The following TFDP2 variants were observed in gnomAD, a reference collection of about 807,000 sequenced individuals.
TFDP2 encodes transcription factor Dp-2 (E2F dimerization partner 2).
TFDP2 carries 17 observed loss-of-function variants against 59.3 expected under a neutral mutation model. That is an observed-to-expected ratio of 0.29 (90% CI 0.20 to 0.43). The LOEUF (loss-of-function observed/expected upper bound fraction) is 0.43, where lower values mean the gene tolerates loss of function less well. TFDP2 is among the 20% of genes least tolerant of loss of function. The pLI, the probability that TFDP2 is intolerant of heterozygous loss-of-function variation, is 1.00. For missense variants in TFDP2, 391 were observed against 528.8 expected (o/e 0.74, Z 2.56); for synonymous variants, 180 against 194.7 (o/e 0.92, Z 0.63).
chr3:142,148,586 G>A (rs1034997770), intron 1 of TFDP2, among the ~76,000 whole-genome samples: 1 of 152,216 alleles, frequency 6.6e-6, no homozygotes, highest in African/African-American at 2.4e-5. Flanking sequence ...TGGTAAGAGA[G>A]ACTGGGGCGC....
At chr3:141,976,957 A>G (rs1178669160) in intron 7 of TFDP2, among the ~76,000 whole-genome samples, 1 of 151,776 alleles carries the variant, frequency 6.6e-6, no homozygotes, top group African/African-American at 2.4e-5. Context: ...ACTTGGAACT[A>G]TAAGAACTCT....
In TFDP2 at chr3:141,955,479, G is replaced by C. The variant is rs575288751; in HGVS notation, c.1052-2463C>G. On this transcript the variant is annotated intron_variant, in intron 11 of 12. Coordinates refer to ENST00000489671, the MANE Select transcript of TFDP2 (RefSeq NM_001178139.2). ...CCAATGACACAGCAGGACCCAGGCT[G>C]GAGAGCGTGGAGAGAGGAAAGCTGG... Among the ~76,000 whole-genome samples the C allele has an allele frequency of 2.0e-5, 3 of 152,246 alleles. No individual in the cohort carries two copies. In the East Asian group the frequency reaches 5.8e-4, roughly 29 times the overall value.
intron 3 of TFDP2, among the ~76,000 whole-genome samples, chr3:142,054,337 CATGA>C: frequency 6.6e-6 from 1 of 152,136 alleles, no homozygotes; most frequent in East Asian, 1.9e-4. Flanking sequence ...ATTCACACAA[CATGA>C]ATGAATCTTG....
chr3:142,021,871 T>G (rs529642104), intron 3 of TFDP2, among the ~76,000 whole-genome samples: 67 of 152,302 alleles, frequency 4.4e-4, no homozygotes, highest in African/African-American at 1.6e-3. Flanking sequence ...CCTTCAATAA[T>G]TTTTTAAGTG....
intron 7 of TFDP2, among the ~76,000 whole-genome samples, chr3:141,976,072 G>A (rs890621990): frequency 6.6e-6 from 1 of 151,984 alleles, no homozygotes; most frequent in Non-Finnish European, 1.5e-5. Context: ...GTACAGACAG[G>A]GTTTCATCAT....
chr3:142,044,799 A>ACCTC lies in TFDP2; in HGVS notation c.83-39259_83-39256dup, dbSNP rs199620381. On this transcript the variant is annotated intron_variant, in intron 3 of 12. Coordinates refer to ENST00000489671, the MANE Select transcript of TFDP2 (RefSeq NM_001178139.2). The stretch of plus-strand genomic sequence containing the variant: ...AAGTGTATTTGGGATCAAATCTGAG[A>ACCTC]CCTCCTTCTTATTAGTTATACAATC... Among the ~76,000 whole-genome samples, 380 of 152,158 alleles carry ACCTC rather than the reference A, an allele frequency of 2.5e-3. 6 individuals carry two copies. Among genetic ancestry groups the ACCTC allele is most frequent in the East Asian group, 5.0e-3 (26 of 5,174 alleles).
chr3:142,070,513 C>T (rs2060212012), intron 3 of TFDP2, among the ~76,000 whole-genome samples: 1 of 152,046 alleles, frequency 6.6e-6, no homozygotes, highest in Non-Finnish European at 1.5e-5. Context: ...ACTTTGGGCT[C>T]AAACAGTTCT....
chr3:142,128,538 G>A (rs1002984878), intron 1 of TFDP2, among the ~76,000 whole-genome samples: 6 of 152,014 alleles, frequency 3.9e-5, no homozygotes, highest in Admixed American at 2.6e-4. Context: ...TTATTGATTC[G>A]GTCTTTAATC....
chr3:141,982,324 C>T (rs529608269), intron 6 of TFDP2, among the ~76,000 whole-genome samples: 2 of 152,094 alleles, frequency 1.3e-5, no homozygotes, highest in South Asian at 4.1e-4. Context: ...AGGAAAAGAA[C>T]TGGTTAATGG....
At chr3:142,113,987 T>A (rs1041949412) in intron 1 of TFDP2, among the ~76,000 whole-genome samples, 1 of 151,744 alleles carries the variant, frequency 6.6e-6, no homozygotes, top group Non-Finnish European at 1.5e-5. Flanking sequence ...ACACGGTGAA[T>A]CCCCGCCTCT....
intron 11 of TFDP2, among the ~76,000 whole-genome samples, 170 bp downstream of exon 11, chr3:141,959,504 A>G (rs1937098542): frequency 1.3e-5 from 2 of 152,216 alleles, no homozygotes. Flanking sequence ...TTATGAAACA[A>G]ACTATTTAAT....
chr3:141,980,225 A>G (rs1208805871), intron 6 of TFDP2, among the ~76,000 whole-genome samples: 1 of 150,650 alleles, frequency 6.6e-6, no homozygotes, highest in African/African-American at 2.4e-5. Flanking sequence ...GTTCAACAAA[A>G]AAGTTTCAAA....
At chr3:141,975,308 G>A (rs1940463155) in intron 7 of TFDP2, among the ~76,000 whole-genome samples, 1 of 152,080 alleles carries the variant, frequency 6.6e-6, no homozygotes, top group Non-Finnish European at 1.5e-5. Context: ...GATAATAAAG[G>A]ATGGTGGAGA....
intron 11 of TFDP2, among the ~76,000 whole-genome samples, chr3:141,953,274 G>C (rs1936143473): frequency 6.6e-6 from 1 of 152,104 alleles, no homozygotes; most frequent in African/African-American, 2.4e-5. Context: ...AACACTCAAA[G>C]GCACTTTCTT....
At chr3:142,027,609 T>G (rs567263225) in intron 3 of TFDP2, among the ~76,000 whole-genome samples, 10 of 152,350 alleles carry the variant, frequency 6.6e-5, no homozygotes, top group Non-Finnish European at 4.4e-5. Flanking sequence ...TTTAGAAACA[T>G]TCACTTCCTT....
At chr3:142,020,610 A>G (rs1945513192) in intron 3 of TFDP2, among the ~76,000 whole-genome samples, 2 of 151,972 alleles carry the variant, frequency 1.3e-5, no homozygotes, top group Non-Finnish European at 2.9e-5. Context: ...AATGAAATAA[A>G]AACAAACTTT....
At chr3:142,067,042 C>G (rs1484788667) in intron 3 of TFDP2, among the ~76,000 whole-genome samples, 3 of 152,102 alleles carry the variant, frequency 2.0e-5, no homozygotes, top group Non-Finnish European at 2.9e-5. Context: ...AAATCTACAG[C>G]TAAAATAATA....
chr3:142,041,518 G>A (rs1456255350), intron 3 of TFDP2, among the ~76,000 whole-genome samples: 3 of 152,336 alleles, frequency 2.0e-5, no homozygotes, highest in South Asian at 4.1e-4. Flanking sequence ...CATGTAAGAC[G>A]TGACTTTGTT....
chr3:141,961,994 G>A lies in TFDP2; in HGVS notation c.884+1818C>T, dbSNP rs553476339. On this transcript the variant is annotated intron_variant, in intron 10 of 12. Transcript: ENST00000489671. Reference sequence around the variant, plus strand: ...ACGGAGTTTTGCTCTTGCTGCCCAGGCTGGAGTGCAATGGTACAATCTTGG... The same window carrying A: ...ACGGAGTTTTGCTCTTGCTGCCCAGACTGGAGTGCAATGGTACAATCTTGG... Among the ~76,000 whole-genome samples, 8 of 152,234 alleles carry A rather than the reference G, an allele frequency of 5.3e-5. No homozygotes were observed. In the East Asian group the frequency reaches 1.5e-3, roughly 29 times the overall value.
Sources: gnomAD v4.1 joint callset for allele counts (sites outside exome capture counted in the v4.1 genomes callset) on GRCh38, gnomAD v4.1.1 for gene constraint, MANE v1.5 for transcripts, NCBI Gene and HGNC (gene_info 2026-07-23, HGNC 2026-07-21) for gene names.